SVOP: variants seen among roughly 807,000 people sequenced by gnomAD.
The protein encoded by SVOP is synaptic vesicle 2-related protein.
SVOP carries 17 observed loss-of-function variants against 69.1 expected under a neutral mutation model. The observed-to-expected ratio is 0.25, with a 90% confidence interval of 0.17 to 0.37. The LOEUF (loss-of-function observed/expected upper bound fraction) is 0.37, where lower values mean the gene tolerates loss of function less well. Ranked by LOEUF, SVOP falls within the 10% of genes least tolerant of loss-of-function variation. SVOP has a pLI of 1.00. For synonymous variants in SVOP, 238 were observed against 238.6 expected (o/e 1.00, Z 0.02); for missense variants, 435 against 597.5 (o/e 0.73, Z 2.84).
At chr12:108,949,562 G>T (rs747828469) in intron 6 of SVOP, among the ~76,000 whole-genome samples, 1 of 152,010 alleles carries the variant, frequency 6.6e-6, no homozygotes, top group Non-Finnish European at 1.5e-5. Flanking sequence ...GAGCTACTGT[G>T]CCTGGCCTGC....
At chr12:108,915,089 C>CT (rs1035240107) in intron 15 of SVOP, among the ~76,000 whole-genome samples, 1 of 150,344 alleles carries the variant, frequency 6.7e-6, no homozygotes, top group African/African-American at 2.5e-5. Flanking sequence ...AGGAGAATCG[C>CT]TTGAACCTGG....
At chr12:109,017,686 A>C (rs1200537515) in intron 1 of SVOP, among the ~76,000 whole-genome samples, 1 of 152,038 alleles carries the variant, frequency 6.6e-6, no homozygotes, top group African/African-American at 2.4e-5. Flanking sequence ...AGTAGCTGGG[A>C]TGTGCCACCA....
At chr12:108,973,071 G>C (rs1272012246) in intron 4 of SVOP, among the ~76,000 whole-genome samples, 3 of 152,174 alleles carry the variant, frequency 2.0e-5, no homozygotes, top group Non-Finnish European at 1.5e-5. Context: ...TGAAAGGAGA[G>C]AGTAGAGGCA....
intron 1 of SVOP, among the ~76,000 whole-genome samples, chr12:109,017,167 G>C (rs1039951907): frequency 6.6e-5 from 10 of 152,174 alleles, no homozygotes; most frequent in Middle Eastern, 3.4e-3. Context: ...AGTGAGCCTT[G>C]GGTGAGTGAG....
intron 1 of SVOP, among the ~76,000 whole-genome samples, chr12:108,990,652 G>A (rs1387589545): frequency 6.9e-6 from 1 of 143,890 alleles, no homozygotes; most frequent in South Asian, 2.4e-4. Context: ...AGAACTTAAA[G>A]TATAATAAAA....
intron 5 of SVOP, among the ~76,000 whole-genome samples, chr12:108,970,996 C>T (rs1237602572): frequency 6.6e-6 from 1 of 152,150 alleles, no homozygotes; most frequent in Non-Finnish European, 1.5e-5. Context: ...CCAGCCTGGG[C>T]AACAGAGCAA....
intron 10 of SVOP, among the ~76,000 whole-genome samples, chr12:108,935,951 C>T (rs762845181): frequency 1.4e-4 from 22 of 152,026 alleles, no homozygotes; most frequent in Non-Finnish European, 4.4e-5. Context: ...TCCCAAAATA[C>T]GTGCCACATG....
Position 108,940,886 on chromosome 12 carries a change from C to T in SVOP, c.666G>A (p.Val222=), listed in dbSNP as rs376926584. ...CGAACACAGCCAGGACGACCTCGAA[C>T]ACTGTCCCGATGGCCCAGAATACCT... is the stretch of plus-strand genomic sequence containing the variant. ...LIEVFWAIGT[V]FEVVLAVFVM... The change falls in exon 8 of 16, where the codon GTG becomes GTA. Residue 222 remains valine (V), a synonymous_variant. Coordinates refer to ENST00000610966, the MANE Select transcript of SVOP (RefSeq NM_018711.5). 9.8e-6 allele frequency: 15 copies of T among 1,537,058 alleles called. No individual in the cohort carries two copies. The highest frequency in any genetic ancestry group is 1.3e-5 in the Non-Finnish European group (15 of 1,146,764).
intron 5 of SVOP, among the ~76,000 whole-genome samples, chr12:108,968,223 T>G (rs2040056846): frequency 6.6e-6 from 1 of 152,210 alleles, no homozygotes; most frequent in South Asian, 2.1e-4. Context: ...TTATTGAGTG[T>G]GCACTCTCAA....
intron 5 of SVOP, among the ~76,000 whole-genome samples, chr12:108,965,880 G>A (rs191610432): frequency 8.1e-4 from 123 of 152,130 alleles, no homozygotes; most frequent in African/African-American, 2.7e-3. Context: ...GATAGTGACC[G>A]CTCCATACCA....
intron 1 of SVOP, among the ~76,000 whole-genome samples, chr12:109,012,350 T>C (rs970883415): frequency 1.3e-5 from 2 of 151,590 alleles, no homozygotes; most frequent in Non-Finnish European, 2.9e-5. Flanking sequence ...ATGGAGACTA[T>C]AGTTAATAAC....
chr12:108,973,923 T>G (rs1349481891), intron 4 of SVOP, among the ~76,000 whole-genome samples: 1 of 152,228 alleles, frequency 6.6e-6, no homozygotes. Flanking sequence ...CTTTTGCAAG[T>G]CATCTGGTTT....
chr12:108,992,863 G>A (rs557423164), intron 1 of SVOP, among the ~76,000 whole-genome samples: 1 of 152,070 alleles, frequency 6.6e-6, no homozygotes, highest in Non-Finnish European at 1.5e-5. Flanking sequence ...TTTAATTGAT[G>A]GTTAAGATGG....
chr12:108,969,471 G>T (rs556573272), intron 5 of SVOP, among the ~76,000 whole-genome samples: 19 of 151,196 alleles, frequency 1.3e-4, no homozygotes, highest in African/African-American at 3.6e-4. Flanking sequence ...TAGCTTACAG[G>T]CATGCGCCAC....
chr12:108,924,114 A>G (rs760808645), intron 11 of SVOP, among the ~76,000 whole-genome samples: 1 of 152,170 alleles, frequency 6.6e-6, no homozygotes, highest in Non-Finnish European at 1.5e-5. Flanking sequence ...CCCTTATGCC[A>G]TCTGAGGACA....
intron 12 of SVOP, 27 bp downstream of exon 12, chr12:108,922,663 C>T: frequency 6.5e-7 from 1 of 1,545,660 alleles, no homozygotes. Flanking sequence ...TTGCCTGACA[C>T]AGCTTCACCT....
At chr12:108,933,690 TA>T (rs1379092017) in intron 11 of SVOP, among the ~76,000 whole-genome samples, 33 of 151,062 alleles carry the variant, frequency 2.2e-4, no homozygotes, top group Admixed American at 1.9e-3. Flanking sequence ...AAATAAAAAA[TA>T]AAAAAATAAT....
At chr12:108,976,319 T>G (rs1193837570) in intron 4 of SVOP, among the ~76,000 whole-genome samples, 1 of 152,088 alleles carries the variant, frequency 6.6e-6, no homozygotes, top group African/African-American at 2.4e-5. Flanking sequence ...TCCAGAACAG[T>G]TATCTACAAA....
At chr12:108,935,682 G>A (rs776652184) in intron 10 of SVOP, among the ~76,000 whole-genome samples, 3 of 152,128 alleles carry the variant, frequency 2.0e-5, no homozygotes, top group Non-Finnish European at 4.4e-5. Context: ...ATGAGAACTG[G>A]TTAAAATAGA....
Sources: gnomAD v4.1 joint callset for allele counts (sites outside exome capture counted in the v4.1 genomes callset) on GRCh38, gnomAD v4.1.1 for gene constraint, MANE v1.5 for transcripts, NCBI Gene and HGNC (gene_info 2026-07-23, HGNC 2026-07-21) for gene names.